Variants in THAP12 observed in about 807,000 individuals in gnomAD.
THAP12 encodes the protein THAP domain containing 12.
Under a neutral mutation model 63.0 loss-of-function variants are expected in THAP12, and 20 were observed. The ratio of observed to expected loss-of-function variants is 0.32; its 90% CI spans 0.22 to 0.46. The LOEUF (loss-of-function observed/expected upper bound fraction) is 0.46. THAP12 is among the 20% of genes least tolerant of loss of function. THAP12 has a pLI of 1.00. For missense variants in THAP12, 568 were observed against 908.2 expected (o/e 0.63, Z 4.81); for synonymous variants, 264 against 328.4 (o/e 0.80, Z 2.12).
In THAP12 at chr11:76,370,588, G is replaced by A. The variant is rs1282409880; in HGVS notation, c.90-4616C>T. The stretch of plus-strand genomic sequence containing the variant: ...CATGTTCCCCAGGTTAGTCTGAAAC[G>A]CCTGGGTGAAGTGATCGTCCTGCCT... On this transcript the variant is annotated intron_variant, in intron 1 of 4. Coordinates refer to ENST00000260045, the MANE Select transcript of THAP12 (RefSeq NM_004705.4). Among the ~76,000 whole-genome samples, 5 of 151,966 alleles carry A rather than the reference G, an allele frequency of 3.3e-5. No individual in the cohort carries two copies. The South Asian group carries it at 8.3e-4, about 25-fold the overall frequency.
chr11:76,355,641 A>G lies in THAP12; in HGVS notation c.332T>C (p.Ile111Thr), dbSNP rs1028666939. Reference sequence around the variant, plus strand: ...ACTTTTTTTCTGTTTCAGTGTCCTGATTTCATCTTCACTCTAAATGTCAAG... The same window carrying G: ...ACTTTTTTTCTGTTTCAGTGTCCTGGTTTCATCTTCACTCTAAATGTCAAG... The part of the protein sequence containing the change: ...KRIKELSEDE[I>T]RTLKQKKIDE... Residue 111 changes from isoleucine (I) to threonine (T), a missense_variant, in exon 4 of 5, where the codon ATC becomes ACC. Coordinates refer to ENST00000260045, the MANE Select transcript of THAP12 (RefSeq NM_004705.4). 8 of 1,595,118 alleles carry G rather than the reference A, an allele frequency of 5.0e-6. No homozygotes were observed. Among genetic ancestry groups the G allele is most frequent in the African/African-American group, 1.4e-5 (1 of 73,996 alleles).
At chr11:76,352,895 T>A in intron 4 of THAP12, 101 bp from the exon 5 acceptor site, 3 of 1,336,934 alleles carry the variant, frequency 2.2e-6, no homozygotes, top group Non-Finnish European at 3.0e-6. Flanking sequence ...CACAAACTCA[T>A]TCATTCAATA....
chr11:76,368,070 T>C (rs1367193083), intron 1 of THAP12, among the ~76,000 whole-genome samples: 1 of 152,184 alleles, frequency 6.6e-6, no homozygotes, highest in Non-Finnish European at 1.5e-5. Flanking sequence ...GCTACAGTTG[T>C]TTGTTTTTTA....
intron 4 of THAP12, among the ~76,000 whole-genome samples, chr11:76,355,281 G>A (rs963145026): frequency 6.6e-6 from 1 of 152,192 alleles, no homozygotes; most frequent in Non-Finnish European, 1.5e-5. Flanking sequence ...CAACTGGGTG[G>A]ACAGAAAAAG....
intron 4 of THAP12, among the ~76,000 whole-genome samples, chr11:76,355,416 T>C (rs1946554613): frequency 6.6e-6 from 1 of 152,222 alleles, no homozygotes; most frequent in African/African-American, 2.4e-5. Flanking sequence ...GCATAGTGTG[T>C]GGCATTGCAG....
chr11:76,364,173 A>G (rs1946616545), intron 2 of THAP12, among the ~76,000 whole-genome samples: 1 of 152,260 alleles, frequency 6.6e-6, no homozygotes, highest in African/African-American at 2.4e-5. Flanking sequence ...TGTATTTAAA[A>G]TAATTTGGGA....
At chr11:76,361,354 T>G in intron 2 of THAP12, 2 of 289,988 alleles carry the variant, frequency 6.9e-6, no homozygotes, top group South Asian at 4.7e-5. Context: ...AGCTACTTTA[T>G]CTGTACTGTC....
chr11:76,366,550 G>A (rs967747625), intron 1 of THAP12, among the ~76,000 whole-genome samples: 4 of 152,104 alleles, frequency 2.6e-5, no homozygotes, highest in Admixed American at 6.5e-5. Context: ...GCGAAGCGGC[G>A]AGCGCCTGTA....
At chr11:76,355,029 G>GC (rs1672632506) in intron 4 of THAP12, among the ~76,000 whole-genome samples, 1 of 152,136 alleles carries the variant, frequency 6.6e-6, no homozygotes, top group African/African-American at 2.4e-5. Flanking sequence ...CAATGATTTG[G>GC]CATCAGTAAG....
At position 76,365,942 on chromosome 11, in the gene THAP12, T is replaced by C. The variant is rs542939872; in HGVS notation, c.120A>G (p.Arg40=). The change falls in exon 2 of 5, where the codon AGA becomes AGG. Residue 40 remains arginine, a synonymous_variant. Transcript: ENST00000260045. The part of the protein sequence containing the change: ...RCQKWVENCR[R]ADLEDKTPDQ... The stretch of plus-strand genomic sequence containing the variant: ...CAGGTGTTTTATCTTCTAAGTCTGC[T>C]CTCCTACAGTTCTCCACCCACTTCT... The C allele has an allele frequency of 1.9e-6, 3 of 1,613,610 alleles. No homozygotes were observed. In the African/African-American group the frequency reaches 4.0e-5, roughly 22 times the overall value.
At chr11:76,379,871 T>G (rs1946738981) in intron 1 of THAP12, among the ~76,000 whole-genome samples, 1 of 152,204 alleles carries the variant, frequency 6.6e-6, no homozygotes, top group African/African-American at 2.4e-5. Context: ...TTAATTGAAC[T>G]AATTAATAAA....
At chr11:76,379,799 G>T (rs7948288) in intron 1 of THAP12, among the ~76,000 whole-genome samples, 21,135 of 151,734 alleles carry the variant, frequency 0.14, 1,570 homozygotes, top group South Asian at 0.21. Context: ...CAAGGACTTC[G>T]ATTTGTTCAT....
Position 76,352,773 on chromosome 11 carries a change from T to A in THAP12, c.377A>T (p.Glu126Val). The A allele has an allele frequency of 6.6e-7, 1 of 1,526,412 alleles. No individual in the cohort carries two copies. Among genetic ancestry groups the A allele is most frequent in the South Asian group, 1.3e-5 (1 of 77,238 alleles). The allele number at this position is 1,526,412 out of a possible 1,614,324, so 94.6% of individuals were successfully genotyped here. A position where few individuals can be genotyped will look rare whatever the true frequency, so the allele number is the denominator to read the frequency against. The change falls in exon 5 of 5, where the codon GAA (glutamate) becomes GTA (valine). Residue 126 changes from glutamate to valine, a missense_variant. Glu to Val is a moderately radical substitution (Grantham distance 121, BLOSUM62 -2). Coordinates refer to ENST00000260045, the MANE Select transcript of THAP12 (RefSeq NM_004705.4). Reference sequence around the variant, plus strand: ...ATTGTTGGTTTCTTTATGTTTTTGTTCCTGCTCAGAAGTTTCATCAACTGG... The same window carrying A: ...ATTGTTGGTTTCTTTATGTTTTTGTACCTGCTCAGAAGTTTCATCAACTGG... ...QKKIDETSEQ[E>V]QKHKETNNSN...
At position 76,363,373 on chromosome 11, in the gene THAP12, T is replaced by C. The variant is rs569824370; in HGVS notation, c.211-2310A>G. On this transcript the variant is annotated intron_variant, in intron 2 of 4. Coordinates refer to ENST00000260045, the MANE Select transcript of THAP12 (RefSeq NM_004705.4). ...ATGAATGTTTACTGATGAAATCTTT[T>C]TTTTTTTGTCTGTTTAAAGACAGGG... Among the ~76,000 whole-genome samples, 5 of 152,266 alleles carry C rather than the reference T, an allele frequency of 3.3e-5. No homozygotes were observed. In the South Asian group the frequency reaches 1.0e-3, roughly 32 times the overall value.
At position 76,350,207 on chromosome 11, in the gene THAP12, G is replaced by C. The variant is rs1476278035; in HGVS notation, c.*657C>G. The C allele has an allele frequency of 1.3e-5, 2 of 152,362 alleles. No homozygotes were observed. Among genetic ancestry groups the C allele is most frequent in the African/African-American group, 4.8e-5 (2 of 41,428 alleles). 9.4% of individuals were successfully genotyped at this position (152,362 alleles called of 1,614,324 possible). ...CTGATTCTGTCTCAACCATGAAACA[G>C]AAGTGTTCAACATATACCTGCTAAA... On this transcript the variant is annotated 3_prime_UTR_variant, in exon 5 of 5. Coordinates refer to ENST00000260045, the MANE Select transcript of THAP12 (RefSeq NM_004705.4).
chr11:76,358,803 A>G (rs1252862571), intron 3 of THAP12: 2 of 152,082 alleles, frequency 1.3e-5, no homozygotes, highest in African/African-American at 4.8e-5. Context: ...GTGAGACCCC[A>G]TCTTAAAAAA....
At chr11:76,367,159 C>A (rs566977962) in intron 1 of THAP12, among the ~76,000 whole-genome samples, 1 of 152,004 alleles carries the variant, frequency 6.6e-6, no homozygotes, top group South Asian at 2.1e-4. Flanking sequence ...TCACTGCAAC[C>A]TCTGCTTCCC....
At chr11:76,365,466 C>A (rs1946625098) in intron 2 of THAP12, among the ~76,000 whole-genome samples, 2 of 151,994 alleles carry the variant, frequency 1.3e-5, no homozygotes, top group Non-Finnish European at 2.9e-5. Context: ...CTCTCTGCAG[C>A]CCCGACGTCA....
At chr11:76,358,457 AT>A (rs1442084680) in intron 3 of THAP12, 2 of 152,334 alleles carry the variant, frequency 1.3e-5, no homozygotes, top group East Asian at 3.9e-4. Context: ...AATGAAAAAA[AT>A]GAACTTGTCT....
Sources: allele counts gnomAD v4.1 joint callset (sites outside exome capture counted in the v4.1 genomes callset), GRCh38; gene constraint gnomAD v4.1.1; transcripts MANE v1.5; gene names NCBI Gene and HGNC (gene_info 2026-07-23, HGNC 2026-07-21).